The following LRRC24 variants were observed in gnomAD, a reference collection of about 807,000 sequenced individuals.
LRRC24 encodes leucine-rich repeat-containing protein 24.
Under a neutral mutation model 15.3 loss-of-function variants are expected in LRRC24, and 19 were observed. That is an observed-to-expected ratio of 1.25 (90% CI 0.87 to 1.83). The LOEUF is 1.83. Among genes scored for constraint, LRRC24 ranks in the 40% most tolerant of loss-of-function variants. The pLI is 0.00. For missense variants in LRRC24, 914 were observed against 723.9 expected (o/e 1.26, Z -3.01); for synonymous variants, 469 against 359.6 (o/e 1.30, Z -3.44).
At position 144,524,270 on chromosome 8, in the gene LRRC24, C is replaced by T; in HGVS notation, c.447G>A (p.Gln149=). 6.2e-7 allele frequency: 1 copy of T among 1,611,934 alleles called. No individual in the cohort carries two copies. The highest frequency in any genetic ancestry group is 8.5e-7 in the Non-Finnish European group (1 of 1,179,926). The change falls in exon 4 of 5, where the codon CAG becomes CAA. Residue 149 remains glutamine, a synonymous_variant. Transcript: ENST00000529415. The stretch of plus-strand genomic sequence containing the variant: ...TGCTGTTTTCTTGCAGGTGAAGCTC[C>T]TGCAGTCGCTGAAGTAAGGACAGCA... ...DFTFLHLPRL[Q]ELHLQENSIE... is the part of the protein sequence containing the mutation.
chr8:144,522,796 A>ATGGCCGCCGCT lies in LRRC24; in HGVS notation c.1220_1221insAGCGGCGGCCA (p.Ile411MetfsTer18). 6.5e-7 allele frequency: 1 copy of ATGGCCGCCGCT among 1,544,238 alleles called. No homozygotes were observed. Among genetic ancestry groups the ATGGCCGCCGCT allele is most frequent in the South Asian group, 1.2e-5 (1 of 84,018 alleles). ...GCGCCAGCAGCGCGATGGCCGCCGC[A>ATGGCCGCCGCT]ATGGCCGTCTGTGTGGCCACGCCCA... is the stretch of plus-strand genomic sequence containing the variant. On this transcript the variant is annotated frameshift_variant, in exon 5 of 5. Coordinates refer to ENST00000529415, the MANE Select transcript of LRRC24 (RefSeq NM_001024678.4). LOFTEE classifies it low-confidence loss of function (END_TRUNC).
At chr8:144,526,298 A>C (rs184782222) in intron 1 of LRRC24, 1 of 152,186 alleles carries the variant, frequency 6.6e-6, no homozygotes, top group African/African-American at 2.4e-5. Flanking sequence ...ACGCGTGTGA[A>C]CCCCAAGAAG....
At chr8:144,523,825 C>T (rs952715534) in intron 4 of LRRC24, 6 of 477,256 alleles carry the variant, frequency 1.3e-5, no homozygotes, top group African/African-American at 3.9e-5. Flanking sequence ...CTGTCTCTCT[C>T]CTTTGCAATT....
At position 144,524,451 on chromosome 8, in the gene LRRC24, A is replaced by G. The variant is rs200261983; in HGVS notation, c.428T>C (p.Leu143Ser). The change falls in exon 3 of 5, where the codon TTG (leucine) becomes TCG (serine). Residue 143 changes from leucine (L) to serine (S), a missense_variant. Physicochemically the swap from Leu to Ser is moderately radical, Grantham distance 145. Transcript: ENST00000529415. ...QLARLLDFTF[L>S]HLPRLQELHL... ...ACCCCAGGCGCTCACCGGCAGGTGC[A>G]AGAAGGTGAAATCCAGCAGCCGCGC... The G allele has an allele frequency of 5.2e-4, 828 of 1,597,860 alleles. 1 individual carries two copies. The highest frequency in any genetic ancestry group is 6.5e-4 in the Non-Finnish European group (766 of 1,179,848).
rs1278393873 is a variant in LRRC24 at position 144,524,951 on chromosome 8, C to T, written c.24G>A (p.Leu8=). The part of the protein sequence containing the change: MALRAPA[L]LPLLLLLLPL... ...GCAGTAGTAGCAGCAGCAGCGGCAG[C>T]AGTGCGGGGGCCCTCAGGGCCATCT... Residue 8 remains leucine, a synonymous_variant, in exon 2 of 5, where the codon CTG becomes CTA. Coordinates refer to ENST00000529415, the MANE Select transcript of LRRC24 (RefSeq NM_001024678.4). 2 of 1,502,294 alleles carry T rather than the reference C, an allele frequency of 1.3e-6. No individual in the cohort carries two copies. The highest frequency in any genetic ancestry group is 1.8e-6 in the Non-Finnish European group (2 of 1,127,322). 93.1% of individuals were successfully genotyped at this position (1,502,294 alleles called of 1,614,324 possible).
At position 144,524,139 on chromosome 8, in the gene LRRC24, A is replaced by T. The variant is rs373726549; in HGVS notation, c.578T>A (p.Leu193Gln). ...GAGGCGCAGGACTTGCAGACTGGCC[A>T]GGGGCTGCAGGGCCTCTCGGCTGAT... ...GTISREALQPLASLQVLRLTE... is the reference protein window; with the variant it reads ...GTISREALQPQASLQVLRLTE... The change falls in exon 4 of 5, where the codon CTG (leucine) becomes CAG (glutamine). Residue 193 changes from leucine (L) to glutamine (Q), a missense_variant. Physicochemically the swap from Leu to Gln is moderately radical, Grantham distance 113. Coordinates refer to ENST00000529415, the MANE Select transcript of LRRC24 (RefSeq NM_001024678.4). 1 of 1,607,080 alleles carries T rather than the reference A, an allele frequency of 6.2e-7. No individual in the cohort carries two copies. The highest frequency in any genetic ancestry group is 1.3e-5 in the African/African-American group (1 of 74,938).
chr8:144,523,506 A>C lies in LRRC24; in HGVS notation c.608-97T>G. The C allele has an allele frequency of 2.8e-6, 4 of 1,412,326 alleles. No individual in the cohort carries two copies. The South Asian group carries it at 4.9e-5, about 17-fold the overall frequency. 87.5% of individuals were successfully genotyped at this position (1,412,326 alleles called of 1,614,324 possible). ...AGGCCAGGACAGAGGCCTCTTTCCC[A>C]CCTCCCACAGCGTTTTCACACGGAG... is the stretch of plus-strand genomic sequence containing the variant. On this transcript the variant is annotated intron_variant, in intron 4 of 4. Coordinates refer to ENST00000529415, the MANE Select transcript of LRRC24 (RefSeq NM_001024678.4).
At chr8:144,525,570 G>A (rs901950459) in intron 1 of LRRC24, among the ~76,000 whole-genome samples, 2 of 152,190 alleles carry the variant, frequency 1.3e-5, no homozygotes, top group African/African-American at 4.8e-5. Flanking sequence ...GAGGAGCTAC[G>A]AGCCCCAGGG....
At chr8:144,523,893 C>CT in intron 4 of LRRC24, 1 of 603,836 alleles carries the variant, frequency 1.7e-6, no homozygotes, top group Non-Finnish European at 2.9e-6. Flanking sequence ...TTAAGTCACC[C>CT]TGTGGAGTTC....
rs763224262 is a variant in LRRC24 at position 144,524,734 on chromosome 8, AAG to A, written c.160-17_160-16del. On this transcript the variant is annotated splice_polypyrimidine_tract_variant and intron_variant, in intron 2 of 4. Coordinates refer to ENST00000529415, the MANE Select transcript of LRRC24 (RefSeq NM_001024678.4). ...AGGAACAGTGTCTGCAGGCCGGGGAAAGAGGAGGCGCTTACCCCGTTGCGGGG... is the reference window on the plus strand; with the variant it reads ...AGGAACAGTGTCTGCAGGCCGGGGAAAGGAGGCGCTTACCCCGTTGCGGGG... 1.2e-5 allele frequency: 17 copies of A among 1,441,730 alleles called. No homozygotes were observed. In the East Asian group the frequency reaches 3.9e-4, roughly 33 times the overall value. 89.3% of individuals were successfully genotyped at this position (1,441,730 alleles called of 1,614,324 possible). A position where few individuals can be genotyped will look rare whatever the true frequency, so the allele number is the denominator to read the frequency against.
Position 144,524,650 on chromosome 8 carries a change from G to T in LRRC24, c.229C>A (p.Arg77Ser). ...PGALAPLAAL[R>S]RLYLHNNSLR... ...CTGTTGTTGTGCAGGTAGAGCCGGC[G>T]CAGAGCGGCGAGTGGCGCCAGGGCT... is the stretch of plus-strand genomic sequence containing the variant. Residue 77 changes from arginine to serine, a missense_variant, in exon 3 of 5, where the codon CGC becomes AGC. Coordinates refer to ENST00000529415, the MANE Select transcript of LRRC24 (RefSeq NM_001024678.4). The T allele has an allele frequency of 6.7e-7, 1 of 1,503,556 alleles. No individual in the cohort carries two copies. Among genetic ancestry groups the T allele is most frequent in the Non-Finnish European group, 8.8e-7 (1 of 1,135,886 alleles). The allele number at this position is 1,503,556 out of a possible 1,614,324, so 93.1% of individuals were successfully genotyped here.
At position 144,522,466 on chromosome 8, in the gene LRRC24, C is replaced by A; in HGVS notation, c.*9G>T. The A allele has an allele frequency of 7.1e-7, 1 of 1,415,418 alleles. No individual in the cohort carries two copies. Among genetic ancestry groups the A allele is most frequent in the Non-Finnish European group, 9.2e-7 (1 of 1,092,570 alleles). The allele number at this position is 1,415,418 out of a possible 1,614,324, so 87.7% of individuals were successfully genotyped here. On this transcript the variant is annotated 3_prime_UTR_variant, in exon 5 of 5. Transcript: ENST00000529415. ...CTCCGGCGCCCACGTCATCCGCGCG[C>A]CCGCGGCCCTAGCAGTGGATCTCGT... is the stretch of plus-strand genomic sequence containing the variant.
In LRRC24 at chr8:144,523,305, C is replaced by G. The variant is rs1488429462; in HGVS notation, c.712G>C (p.Glu238Gln). Residue 238 changes from glutamate (E) to glutamine (Q), a missense_variant, in exon 5 of 5, where the codon GAG (glutamate) becomes CAG (glutamine). Transcript: ENST00000529415. ...TSRDRKIMCA[E>Q]PPRLALQSLL... ...CTCTGGAGCGCCAGGCGCGGGGGCT[C>G]TGCACACATGATCTTCCTGTCCCTG... 1.2e-6 allele frequency: 2 copies of G among 1,610,906 alleles called. No individual in the cohort carries two copies. The highest frequency in any genetic ancestry group is 1.7e-6 in the Non-Finnish European group (2 of 1,179,128).
Position 144,522,567 on chromosome 8 carries a change from G to A in LRRC24, c.1450C>T (p.Pro484Ser). ...NRSKPLFAEG[P>S]AEAPADCGPE... ...CCGCAGTCAGCGGGCGCCTCCGCCG[G>A]ACCCTCGGCGAAGAGCGGCTTGGAG... is the stretch of plus-strand genomic sequence containing the variant. Residue 484 changes from proline (P) to serine (S), a missense_variant, in exon 5 of 5, where the codon CCG becomes TCG. Physicochemically the swap from Pro to Ser is moderately conservative, Grantham distance 74. Coordinates refer to ENST00000529415, the MANE Select transcript of LRRC24 (RefSeq NM_001024678.4). The A allele has an allele frequency of 6.4e-7, 1 of 1,551,306 alleles. No individual in the cohort carries two copies. Among genetic ancestry groups the A allele is most frequent in the Non-Finnish European group, 8.7e-7 (1 of 1,151,006 alleles).
rs1397514858 is a variant in LRRC24 at position 144,524,131 on chromosome 8, G to A, written c.586C>T (p.Leu196=). The part of the protein sequence containing the change: ...SREALQPLAS[L]QVLRLTENPW... ...GTACCTGTGAGGCGCAGGACTTGCAGACTGGCCAGGGGCTGCAGGGCCTCT... is the reference window on the plus strand; with the variant it reads ...GTACCTGTGAGGCGCAGGACTTGCAAACTGGCCAGGGGCTGCAGGGCCTCT... The change falls in exon 4 of 5, where the codon CTG becomes TTG. Residue 196 remains leucine, a synonymous_variant. Transcript: ENST00000529415. The A allele has an allele frequency of 6.2e-7, 1 of 1,604,356 alleles. No individual in the cohort carries two copies. Among genetic ancestry groups the A allele is most frequent in the Non-Finnish European group, 8.5e-7 (1 of 1,173,552 alleles).
chr8:144,523,516 G>C lies in LRRC24; in HGVS notation c.608-107C>G, dbSNP rs1238225746. The C allele has an allele frequency of 4.9e-6, 7 of 1,416,324 alleles. No individual in the cohort carries two copies. The African/African-American group carries it at 1.1e-4, about 22-fold the overall frequency. The allele number at this position is 1,416,324 out of a possible 1,614,324, so 87.7% of individuals were successfully genotyped here. ...AGAGGCCTCTTTCCCACCTCCCACAGCGTTTTCACACGGAGTCCAAGGCCC... is the reference window on the plus strand; with the variant it reads ...AGAGGCCTCTTTCCCACCTCCCACACCGTTTTCACACGGAGTCCAAGGCCC... On this transcript the variant is annotated intron_variant, in intron 4 of 4. Transcript: ENST00000529415.
intron 1 of LRRC24, 130 bp downstream of exon 1, chr8:144,526,830 T>C (rs1409537864): frequency 6.6e-6 from 1 of 152,040 alleles, no homozygotes; most frequent in Non-Finnish European, 1.5e-5. Context: ...AGGGAGGGCG[T>C]GGCCTCCGCG....
chr8:144,525,096 G>A, intron 1 of LRRC24, 63 bp from the exon 2 acceptor site: 1 of 1,095,056 alleles, frequency 9.1e-7, no homozygotes, highest in Non-Finnish European at 1.2e-6. Flanking sequence ...TGGAATGGAG[G>A]CCTGCACCTG....
chr8:144,524,128 G>A lies in LRRC24; in HGVS notation c.589C>T (p.Gln197Ter). 1.2e-6 allele frequency: 2 copies of A among 1,603,838 alleles called. No individual in the cohort carries two copies. Among genetic ancestry groups the A allele is most frequent in the Non-Finnish European group, 1.7e-6 (2 of 1,173,272 alleles). ...GAGGTACCTGTGAGGCGCAGGACTT[G>A]CAGACTGGCCAGGGGCTGCAGGGCC... is the stretch of plus-strand genomic sequence containing the variant. ...REALQPLASL[Q>*]VLRLTENPWR... is the part of the protein sequence containing the mutation. Residue 197 changes from glutamine to a stop codon, truncating the protein, a stop_gained, in exon 4 of 5, where the codon CAA becomes TAA. Coordinates refer to ENST00000529415, the MANE Select transcript of LRRC24 (RefSeq NM_001024678.4). LOFTEE classifies it low-confidence loss of function (END_TRUNC).
Sources: gnomAD v4.1 joint callset for allele counts (sites outside exome capture counted in the v4.1 genomes callset) on GRCh38, gnomAD v4.1.1 for gene constraint, MANE v1.5 for transcripts, NCBI Gene and HGNC (gene_info 2026-07-23, HGNC 2026-07-21) for gene names.